BTAF1: variants seen among roughly 807,000 people sequenced by gnomAD.
The protein encoded by BTAF1 is B-TFIID TATA-box binding protein associated factor 1, also known as TATA-binding protein-associated factor 172.
BTAF1 carries 38 observed loss-of-function variants against 227.1 expected under a neutral mutation model. The ratio of observed to expected loss-of-function variants is 0.17; its 90% CI spans 0.13 to 0.22. The LOEUF (loss-of-function observed/expected upper bound fraction) is 0.22, where lower values mean the gene tolerates loss of function less well. Ranked by LOEUF, BTAF1 falls within the 10% of genes least tolerant of loss-of-function variation. BTAF1 has a pLI of 1.00. For missense variants in BTAF1, 1,598 were observed against 2,204.0 expected (o/e 0.73, Z 5.51); for synonymous variants, 742 against 751.9 (o/e 0.99, Z 0.21).
chr10:91,953,129 CTGTT>C (rs1176716882), intron 5 of BTAF1, among the ~76,000 whole-genome samples: 1 of 152,160 alleles, frequency 6.6e-6, no homozygotes, highest in Non-Finnish European at 1.5e-5. Context: ...GTGACCTTAA[CTGTT>C]TGTGGAAGTA....
chr10:91,939,030 A>G (rs1351606906), intron 2 of BTAF1, among the ~76,000 whole-genome samples: 2 of 149,086 alleles, frequency 1.3e-5, no homozygotes, highest in East Asian at 3.9e-4. Context: ...GAATCTCTTG[A>G]TTAATTTATA....
intron 8 of BTAF1, 129 bp downstream of exon 8, chr10:91,957,422 A>C (rs908327861): frequency 1.7e-6 from 1 of 579,372 alleles, no homozygotes; most frequent in Non-Finnish European, 3.0e-6. Flanking sequence ...AGGGCACGTC[A>C]TATCATTGAC....
At chr10:91,955,929 T>C (rs1213756255) in intron 6 of BTAF1, among the ~76,000 whole-genome samples, 1 of 152,234 alleles carries the variant, frequency 6.6e-6, no homozygotes, top group East Asian at 1.9e-4. Context: ...GTATATGCTT[T>C]AAAATGTGCT....
At chr10:91,994,299 CAA>C (rs58656336) in intron 22 of BTAF1, among the ~76,000 whole-genome samples, 9 of 135,886 alleles carry the variant, frequency 6.6e-5, no homozygotes, top group Non-Finnish European at 1.1e-4. Context: ...GACTCTGTCT[CAA>C]AAAAAAAAAA....
intron 2 of BTAF1, 27 bp from the exon 3 acceptor site, chr10:91,939,925 C>A (rs202064756): frequency 1.3e-6 from 2 of 1,485,176 alleles, no homozygotes; most frequent in Non-Finnish European, 1.9e-6. Context: ...TTTTTGTATA[C>A]GTAACTTTTA....
In BTAF1 at chr10:91,982,226, G is replaced by C; in HGVS notation, c.2048+1G>C. 1 of 1,613,898 alleles carries C rather than the reference G, an allele frequency of 6.2e-7. No homozygotes were observed. The highest frequency in any genetic ancestry group is 1.1e-5 in the South Asian group (1 of 91,070). ...TGCGGGCCAGAATGATGGCAGCCAA[G>C]TGAGTGTACATTAAGTGTCAGGTAG... On this transcript the variant is annotated splice_donor_variant, in intron 17 of 37. Coordinates refer to ENST00000265990, the MANE Select transcript of BTAF1 (RefSeq NM_003972.3). LOFTEE classifies it high-confidence loss of function.
At chr10:91,983,459 C>T (rs1848199323) in intron 18 of BTAF1, among the ~76,000 whole-genome samples, 1 of 152,230 alleles carries the variant, frequency 6.6e-6, no homozygotes, top group East Asian at 1.9e-4. Flanking sequence ...TTGAGCCATG[C>T]TCCATTGCAG....
chr10:91,950,153 G>GGGGA (rs1845659879), intron 4 of BTAF1, among the ~76,000 whole-genome samples: 1 of 89,968 alleles, frequency 1.1e-5, no homozygotes, highest in African/African-American at 3.7e-5. Context: ...CTTTGTGGGG[G>GGGGA]GGGGCGGGAA....
At chr10:91,979,220 G>A (rs915310943) in intron 14 of BTAF1, among the ~76,000 whole-genome samples, 1 of 152,034 alleles carries the variant, frequency 6.6e-6, no homozygotes, top group African/African-American at 2.4e-5. Context: ...CCAGACTACT[G>A]TTGATGGGCA....
chr10:91,950,685 A>G (rs1845712090), intron 4 of BTAF1, among the ~76,000 whole-genome samples: 1 of 152,208 alleles, frequency 6.6e-6, no homozygotes, highest in African/African-American at 2.4e-5. Flanking sequence ...CTCAGAATAC[A>G]TAAAGGCTAC....
chr10:92,015,988 CT>C (rs930499531), intron 32 of BTAF1, among the ~76,000 whole-genome samples: 41 of 152,024 alleles, frequency 2.7e-4, no homozygotes, highest in African/African-American at 9.9e-4. Flanking sequence ...CTAAGAGTTT[CT>C]TTTTTTCTTT....
At chr10:92,000,396 A>G (rs533216313) in intron 25 of BTAF1, among the ~76,000 whole-genome samples, 2 of 152,234 alleles carry the variant, frequency 1.3e-5, no homozygotes, top group African/African-American at 2.4e-5. Flanking sequence ...AAATTAGTCT[A>G]ACAGCTGAAA....
At chr10:91,961,791 T>G (rs1438072507) in intron 11 of BTAF1, among the ~76,000 whole-genome samples, 1 of 152,178 alleles carries the variant, frequency 6.6e-6, no homozygotes, top group Non-Finnish European at 1.5e-5. Context: ...GGGCCTGGTC[T>G]GTTGGGGGAA....
intron 2 of BTAF1, among the ~76,000 whole-genome samples, chr10:91,939,340 TG>T: frequency 6.6e-6 from 1 of 152,382 alleles, no homozygotes; most frequent in East Asian, 1.9e-4. Flanking sequence ...TTCAATTCTT[TG>T]TATTAAGTAA....
At chr10:91,938,082 T>C (rs145146437) in intron 2 of BTAF1, among the ~76,000 whole-genome samples, 14 of 152,338 alleles carry the variant, frequency 9.2e-5, no homozygotes, top group African/African-American at 7.2e-5. Flanking sequence ...AGAGAAGCAA[T>C]ACATTTGTAT....
chr10:91,942,302 GT>G, intron 3 of BTAF1, 119 bp from the exon 4 acceptor site: 1 of 99,768 alleles, frequency 1.0e-5, no homozygotes, highest in Non-Finnish European at 2.2e-5. Context: ...AAAAGTTTGT[GT>G]GTGTGTGTGT....
intron 23 of BTAF1, 44 bp from the exon 24 acceptor site, chr10:91,996,325 G>A (rs1270406672): frequency 1.3e-6 from 2 of 1,549,666 alleles, no homozygotes; most frequent in Non-Finnish European, 1.8e-6. Context: ...ATATTAAACA[G>A]TATTTCCTAA....
intron 1 of BTAF1, among the ~76,000 whole-genome samples, chr10:91,930,339 A>G (rs1844188590): frequency 6.6e-6 from 1 of 152,182 alleles, no homozygotes; most frequent in South Asian, 2.1e-4. Flanking sequence ...GTACATTTTC[A>G]CCATTCTTCA....
At position 91,991,253 on chromosome 10, in the gene BTAF1, T is replaced by TATATAA. The variant is rs991630683; in HGVS notation, c.2855-848_2855-843dup. On this transcript the variant is annotated intron_variant, in intron 20 of 37. Transcript: ENST00000265990. ...AGGGCGAGACTCCGTCTCAAAAAAATATATAAATATAAATATAAATATATA... is the reference window on the plus strand; with the variant it reads ...AGGGCGAGACTCCGTCTCAAAAAAATATATAAATATAAATATAAATATAAATATATA... Among the ~76,000 whole-genome samples the TATATAA allele has an allele frequency of 7.0e-5, 7 of 100,572 alleles. No homozygotes were observed. In the East Asian group the frequency reaches 1.3e-3, roughly 19 times the overall value. 66.0% of individuals were successfully genotyped at this position (100,572 alleles called of 152,430 possible). A position where few individuals can be genotyped will look rare whatever the true frequency, so the allele number is the denominator to read the frequency against.
Sources: gnomAD v4.1 joint callset for allele counts (sites outside exome capture counted in the v4.1 genomes callset) on GRCh38, gnomAD v4.1.1 for gene constraint, MANE v1.5 for transcripts, NCBI Gene and HGNC (gene_info 2026-07-23, HGNC 2026-07-21) for gene names.